NRDC: variants seen among roughly 807,000 people sequenced by gnomAD.
The protein encoded by NRDC is nardilysin.
Under a neutral mutation model 147.1 loss-of-function variants are expected in NRDC, and 54 were observed. That is an observed-to-expected ratio of 0.37 (90% CI 0.29 to 0.46). The LOEUF (loss-of-function observed/expected upper bound fraction) is 0.46. Ranked by LOEUF, NRDC falls within the 20% of genes least tolerant of loss-of-function variation. The probability of loss-of-function intolerance (pLI) is 1.00; values close to 1 mark genes in which losing one functional copy is unlikely to be tolerated. For missense variants in NRDC, 1,082 were observed against 1,370.6 expected (o/e 0.79, Z 3.33); for synonymous variants, 440 against 482.1 (o/e 0.91, Z 1.14).
intron 2 of NRDC, chr1:51,837,494 C>T: frequency 6.3e-7 from 1 of 1,583,530 alleles, no homozygotes; most frequent in Non-Finnish European, 8.6e-7. Context: ...AACCTGCTTT[C>T]AGCTCCAACT....
rs759475479 is a variant in NRDC at position 51,836,231 on chromosome 1, A to G, written c.631-19T>C. 2 of 1,612,014 alleles carry G rather than the reference A, an allele frequency of 1.2e-6. No individual in the cohort carries two copies. Among genetic ancestry groups the G allele is most frequent in the South Asian group, 1.1e-5 (1 of 91,002 alleles). On this transcript the variant is annotated intron_variant, in intron 2 of 30. Coordinates refer to ENST00000352171, the MANE Select transcript of NRDC (RefSeq NM_001101662.2). ...CTGCAGACTGGAGTAATTAGAACAC[A>G]TACAAATAGTTGAGTCAACCCTAAA...
At chr1:51,868,390 C>T (rs1374714462) in intron 1 of NRDC, among the ~76,000 whole-genome samples, 1 of 151,784 alleles carries the variant, frequency 6.6e-6, no homozygotes, top group East Asian at 1.9e-4. Flanking sequence ...CAAAATAGCA[C>T]AACAGAAGAT....
chr1:51,865,206 A>G (rs1264577179), intron 1 of NRDC, among the ~76,000 whole-genome samples: 1 of 152,114 alleles, frequency 6.6e-6, no homozygotes, highest in African/African-American at 2.4e-5. Flanking sequence ...ATAGAAAAGC[A>G]GGCAATTTAT....
At position 51,836,170 on chromosome 1, in the gene NRDC, G is replaced by C. The variant is rs1324626046; in HGVS notation, c.673C>G (p.Pro225Ala). The C allele has an allele frequency of 1.2e-6, 2 of 1,614,018 alleles. No homozygotes were observed. Among genetic ancestry groups the C allele is most frequent in the Non-Finnish European group, 1.7e-6 (2 of 1,180,040 alleles). The change falls in exon 3 of 31, where the codon CCA (proline) becomes GCA (alanine). Residue 225 changes from proline (P) to alanine (A), a missense_variant. Physicochemically the swap from Pro to Ala is conservative, Grantham distance 27 (BLOSUM62 -1). This residue lies in a region of NRDC where 635 missense variants were observed against 923.8 expected (regional missense o/e 0.69). Coordinates refer to ENST00000352171, the MANE Select transcript of NRDC (RefSeq NM_001101662.2). ...TGTGCCAGCCCCGGCAGGTCATCTG[G>C]ATCAGCGAAACTCCCAACTCCAACA... ...LCVGVGSFAD[P>A]DDLPGLAHFL...
intron 11 of NRDC, among the ~76,000 whole-genome samples, chr1:51,815,657 G>C (rs1164098762): frequency 6.6e-6 from 1 of 151,718 alleles, no homozygotes; most frequent in African/African-American, 2.4e-5. Context: ...AGTTTTCTTT[G>C]AATGTTCTAG....
At chr1:51,875,734 T>A (rs2124155324) in intron 1 of NRDC, among the ~76,000 whole-genome samples, 1 of 141,598 alleles carries the variant, frequency 7.1e-6, no homozygotes, top group South Asian at 2.3e-4. Flanking sequence ...ATTTTTTGTG[T>A]GTAGAGACAG....
At chr1:51,794,653 A>C (rs759861727) in intron 23 of NRDC, 43 bp from the exon 24 acceptor site, 1 of 1,608,316 alleles carries the variant, frequency 6.2e-7, no homozygotes. Flanking sequence ...CCCAAAAACT[A>C]TAAGAAGCTA....
chr1:51,790,565 G>C lies in NRDC; in HGVS notation c.3136C>G (p.Gln1046Glu). Residue 1046 changes from glutamine (Q) to glutamate (E), a missense_variant, in exon 29 of 31, where the codon CAG becomes GAG. Coordinates refer to ENST00000352171, the MANE Select transcript of NRDC (RefSeq NM_001101662.2). ...VDRNWNEVVT[Q>E]QYLFDRLAHE... ...GCAAGGCGGTCAAAGAGGTACTGCT[G>C]TGTAACCACTTCATTCCAGTTCCTA... 1 of 1,613,846 alleles carries C rather than the reference G, an allele frequency of 6.2e-7. No homozygotes were observed. The highest frequency in any genetic ancestry group is 8.5e-7 in the Non-Finnish European group (1 of 1,179,716).
intron 21 of NRDC, 124 bp from the exon 22 acceptor site, chr1:51,798,535 C>T: frequency 1.3e-6 from 1 of 763,706 alleles, no homozygotes; most frequent in East Asian, 2.8e-5. Context: ...ATTTTTATCA[C>T]AATGTAAGAT....
intron 6 of NRDC, among the ~76,000 whole-genome samples, 188 bp downstream of exon 6, chr1:51,825,099 T>C (rs1680384539): frequency 6.6e-6 from 1 of 152,346 alleles, no homozygotes; most frequent in East Asian, 1.9e-4. Context: ...ACTCTTGCTA[T>C]ATTCACTGTT....
chr1:51,795,352 C>G, intron 22 of NRDC: 2 of 546,410 alleles, frequency 3.7e-6, no homozygotes, highest in Non-Finnish European at 5.7e-6. Flanking sequence ...GGAGGAAATT[C>G]ATGGTACTAA....
chr1:51,856,897 AC>A (rs1180322955), intron 1 of NRDC, among the ~76,000 whole-genome samples: 1 of 152,192 alleles, frequency 6.6e-6, no homozygotes, highest in Non-Finnish European at 1.5e-5. Flanking sequence ...CAACATTGTA[AC>A]AAAAAGACTT....
At chr1:51,821,819 ATATCTTTAGCATTAGGC>A (rs999114471) in intron 7 of NRDC, among the ~76,000 whole-genome samples, 15 of 152,312 alleles carry the variant, frequency 9.8e-5, no homozygotes, top group South Asian at 8.3e-4. Flanking sequence ...ACAAAAAAAT[ATATCTTTAGCATTAGGC>A]TAGTGTGAAG....
At chr1:51,799,882 A>G (rs1405530914) in intron 21 of NRDC, among the ~76,000 whole-genome samples, 1 of 152,216 alleles carries the variant, frequency 6.6e-6, no homozygotes, top group African/African-American at 2.4e-5. Flanking sequence ...TGGATAGTTA[A>G]GATTGCTAGA....
chr1:51,836,403 G>T (rs775280677), intron 2 of NRDC, 191 bp from the exon 3 acceptor site: 11 of 1,613,640 alleles, frequency 6.8e-6, no homozygotes, highest in African/African-American at 1.3e-5. Flanking sequence ...CTGCTCCTCC[G>T]CTTGCCATCC....
intron 24 of NRDC, among the ~76,000 whole-genome samples, chr1:51,793,357 T>C (rs1678741474): frequency 1.3e-5 from 2 of 152,144 alleles, no homozygotes; most frequent in African/African-American, 2.4e-5. Context: ...GGCTGTACCA[T>C]TTGTGGAGTT....
chr1:51,840,054 C>A, intron 2 of NRDC, 172 bp downstream of exon 2: 1 of 523,852 alleles, frequency 1.9e-6, no homozygotes, highest in East Asian at 3.2e-5. Context: ...GCATTTACTA[C>A]TTTTATAATT....
intron 8 of NRDC, among the ~76,000 whole-genome samples, chr1:51,821,133 T>A (rs2747524): frequency 0.072 from 10,966 of 152,172 alleles, 442 homozygotes; most frequent in Middle Eastern, 0.21. Context: ...AAAAAACAAA[T>A]TTTCAGAACA....
intron 1 of NRDC, among the ~76,000 whole-genome samples, chr1:51,841,959 G>A (rs1681284169): frequency 6.6e-6 from 1 of 152,120 alleles, no homozygotes; most frequent in South Asian, 2.1e-4. Flanking sequence ...CACATTTGGA[G>A]CTCAGGAGTT....
Sources: allele counts gnomAD v4.1 joint callset (sites outside exome capture counted in the v4.1 genomes callset), GRCh38; gene constraint gnomAD v4.1.1; regional missense constraint gnomAD v4.1.1; transcripts MANE v1.5; gene names NCBI Gene and HGNC (gene_info 2026-07-23, HGNC 2026-07-21).